Variants in DLC1 observed in about 807,000 individuals in gnomAD.
The protein encoded by DLC1 is DLC1 Rho GTPase activating protein, also known as rho GTPase-activating protein 7.
In DLC1, 54 loss-of-function variants were observed where a neutral mutation model predicts 140.3. That is an observed-to-expected ratio of 0.38 (90% CI 0.31 to 0.48). The LOEUF is 0.48. DLC1 is among the 20% of genes least tolerant of loss of function. The pLI is 0.96. For missense variants in DLC1, 2,536 were observed against 1,907.0 expected (o/e 1.33, Z -6.14); for synonymous variants, 986 against 728.1 (o/e 1.35, Z -5.70).
At chr8:13,503,805 T>C (rs1241657665) in intron 1 of DLC1, among the ~76,000 whole-genome samples, 1 of 152,236 alleles carries the variant, frequency 6.6e-6, no homozygotes, top group Non-Finnish European at 1.5e-5. Flanking sequence ...TTACCAATTT[T>C]GTGGGAGAAA....
At chr8:13,555,721 C>G (rs1239163258) in intron 1 of DLC1, among the ~76,000 whole-genome samples, 2 of 151,536 alleles carry the variant, frequency 1.3e-5, no homozygotes, top group Non-Finnish European at 2.9e-5. Flanking sequence ...AGGCTGGTCT[C>G]AAACTCCTGG....
chr8:13,425,282 CCAGGAACA>C (rs1289479580), intron 2 of DLC1, among the ~76,000 whole-genome samples: 1 of 152,110 alleles, frequency 6.6e-6, no homozygotes, highest in Admixed American at 6.5e-5. Flanking sequence ...TGAAACGTTG[CCAGGAACA>C]CAGACAGCCC....
chr8:13,174,918 C>G (rs1294192340), intron 5 of DLC1, among the ~76,000 whole-genome samples: 1 of 152,118 alleles, frequency 6.6e-6, no homozygotes, highest in Non-Finnish European at 1.5e-5. Flanking sequence ...AGGACTTAGT[C>G]ATAAATTCTT....
intron 5 of DLC1, among the ~76,000 whole-genome samples, chr8:13,281,856 T>C (rs1033413652): frequency 2.0e-5 from 3 of 152,234 alleles, no homozygotes; most frequent in African/African-American, 7.2e-5. Context: ...TTATGCTTTC[T>C]GAAGCTAAGA....
At chr8:13,100,799 CA>C (rs768366116) in intron 8 of DLC1, 29 bp from the exon 9 acceptor site, 2 of 1,527,764 alleles carry the variant, frequency 1.3e-6, no homozygotes, top group South Asian at 2.6e-5. Flanking sequence ...GCCATTCACA[CA>C]CTGGGGCTGG....
At chr8:13,253,956 G>C (rs1422238297) in intron 5 of DLC1, among the ~76,000 whole-genome samples, 1 of 152,154 alleles carries the variant, frequency 6.6e-6, no homozygotes, top group Non-Finnish European at 1.5e-5. Flanking sequence ...GTTAACTAGA[G>C]TAACCATCTA....
chr8:13,120,356 A>AAAAAAAAAAAAAAAATATATATATAT, intron 5 of DLC1, among the ~76,000 whole-genome samples: 5 of 61,128 alleles, frequency 8.2e-5, no homozygotes, highest in Non-Finnish European at 1.1e-4. Context: ...AAAAAAAAAA[A>AAAAAAAAAAAAAAAATATATATATAT]ATATATATAT....
intron 1 of DLC1, among the ~76,000 whole-genome samples, chr8:13,569,552 C>A (rs1432728582): frequency 6.6e-6 from 1 of 152,058 alleles, no homozygotes; most frequent in Non-Finnish European, 1.5e-5. Flanking sequence ...AGAATTCCCC[C>A]ATTAAAGGGC....
chr8:13,512,520 G>T lies in DLC1; in HGVS notation c.-126+2082C>A, dbSNP rs116244786. The stretch of plus-strand genomic sequence containing the variant: ...GAGCAGACATACAAATCAATTAAGG[G>T]ATTGCAAACATGCTGGAGAAATGTA... On this transcript the variant is annotated intron_variant, in intron 1 of 17. Coordinates refer to ENST00000276297, the MANE Select transcript of DLC1 (RefSeq NM_182643.3). 3.6e-3 allele frequency among the ~76,000 whole-genome samples: 546 copies of T among 152,254 alleles called. 3 individuals carry two copies. The highest frequency in any genetic ancestry group is 0.013 in the African/African-American group (525 of 41,564).
chr8:13,146,468 A>T (rs1823447949), intron 5 of DLC1, among the ~76,000 whole-genome samples: 1 of 151,968 alleles, frequency 6.6e-6, no homozygotes, highest in African/African-American at 2.4e-5. Flanking sequence ...CTAAATTTGT[A>T]AGTTATTAGA....
chr8:13,310,114 G>A (rs1370401342), intron 4 of DLC1, among the ~76,000 whole-genome samples: 1 of 152,136 alleles, frequency 6.6e-6, no homozygotes, highest in Non-Finnish European at 1.5e-5. Context: ...TGGCAGCTAT[G>A]ATACTATGTA....
At chr8:13,233,869 G>C (rs994312938) in intron 5 of DLC1, among the ~76,000 whole-genome samples, 3 of 152,158 alleles carry the variant, frequency 2.0e-5, no homozygotes, top group Admixed American at 2.0e-4. Context: ...TGGGGATCTG[G>C]TTGCAGGGAG....
At chr8:13,401,792 C>A (rs996855910) in intron 2 of DLC1, among the ~76,000 whole-genome samples, 173 bp from the exon 3 acceptor site, 4 of 152,048 alleles carry the variant, frequency 2.6e-5, no homozygotes, top group African/African-American at 9.7e-5. Context: ...AGACACTGAC[C>A]TAGTGCCAAG....
At chr8:13,395,611 C>G (rs1363083788) in intron 3 of DLC1, among the ~76,000 whole-genome samples, 2 of 152,154 alleles carry the variant, frequency 1.3e-5, no homozygotes, top group Non-Finnish European at 2.9e-5. Flanking sequence ...TTCCTTAATT[C>G]TCACAATAGA....
chr8:13,196,996 G>A (rs1263548028), intron 5 of DLC1, among the ~76,000 whole-genome samples: 2 of 152,176 alleles, frequency 1.3e-5, no homozygotes, highest in African/African-American at 4.8e-5. Context: ...GCAAGACAAA[G>A]TACCTGATCA....
intron 5 of DLC1, among the ~76,000 whole-genome samples, chr8:13,146,102 G>A (rs1047067133): frequency 6.6e-6 from 1 of 151,838 alleles, no homozygotes; most frequent in Non-Finnish European, 1.5e-5. Context: ...GTGAAACATC[G>A]TCTCTACCAA....
chr8:13,155,367 A>C (rs561798542), intron 5 of DLC1, among the ~76,000 whole-genome samples: 2 of 152,056 alleles, frequency 1.3e-5, no homozygotes, highest in South Asian at 4.1e-4. Context: ...AGCAAATGAA[A>C]AATAAAAGAT....
At chr8:13,267,273 C>G (rs986251437) in intron 5 of DLC1, among the ~76,000 whole-genome samples, 1 of 151,362 alleles carries the variant, frequency 6.6e-6, no homozygotes, top group Non-Finnish European at 1.5e-5. Context: ...TTAAATATAG[C>G]ATATTCTAAA....
At chr8:13,369,484 A>G (rs886875756) in intron 4 of DLC1, among the ~76,000 whole-genome samples, 1 of 152,108 alleles carries the variant, frequency 6.6e-6, no homozygotes, top group African/African-American at 2.4e-5. Flanking sequence ...GTTTTCTGCA[A>G]CAGTACTCTC....
Sources: allele counts gnomAD v4.1 joint callset (sites outside exome capture counted in the v4.1 genomes callset), GRCh38; gene constraint gnomAD v4.1.1; transcripts MANE v1.5; gene names NCBI Gene and HGNC (gene_info 2026-07-23, HGNC 2026-07-21).